The following LAMA2 variants were observed in gnomAD, a reference collection of about 807,000 sequenced individuals.
The protein encoded by LAMA2 is laminin subunit alpha 2, also known as laminin subunit alpha-2.
LAMA2 carries 269 observed loss-of-function variants against 364.8 expected under a neutral mutation model. That is an observed-to-expected ratio of 0.74 (90% confidence interval 0.67 to 0.82). The LOEUF is 0.82. LAMA2 is among the 40% of genes least tolerant of loss of function. The pLI is 0.00. For synonymous variants in LAMA2, 1,379 were observed against 1,370.6 expected, an observed-to-expected ratio of 1.01 and a Z score of -0.14; for missense variants, 3,807 against 3,873.2, an observed-to-expected ratio of 0.98 and a Z score of 0.45.
chr6:129,340,687 A>C (rs1776209212), intron 29 of LAMA2, among the ~76,000 whole-genome samples: 1 of 151,930 alleles, frequency 6.6e-6, no homozygotes, highest in Admixed American at 6.6e-5. Context: ...AATACAAAAA[A>C]TTAGCCTGGC....
intron 32 of LAMA2, 115 bp downstream of exon 32, chr6:129,353,472 T>G: frequency 1.3e-6 from 1 of 794,458 alleles, no homozygotes; most frequent in Non-Finnish European, 2.1e-6. Context: ...TTGCAATAGT[T>G]ATACTCTTCA....
intron 9 of LAMA2, among the ~76,000 whole-genome samples, chr6:129,172,619 T>C (rs981139342): frequency 2.0e-5 from 3 of 152,188 alleles, no homozygotes; most frequent in African/African-American, 7.2e-5. Context: ...GTTACTGCTG[T>C]CTTTTTGTTT....
chr6:129,096,459 G>A (rs955943809), intron 3 of LAMA2, among the ~76,000 whole-genome samples: 1 of 152,124 alleles, frequency 6.6e-6, no homozygotes, highest in Non-Finnish European at 1.5e-5. Context: ...CTCCCAAAAT[G>A]TCTTGGCATA....
At chr6:129,199,452 A>G (rs1299353308) in intron 12 of LAMA2, among the ~76,000 whole-genome samples, 4 of 152,194 alleles carry the variant, frequency 2.6e-5, no homozygotes, top group South Asian at 2.1e-4. Flanking sequence ...AATTCTCACT[A>G]TAACGACTCC....
At chr6:129,387,210 G>A (rs1040609964) in intron 35 of LAMA2, among the ~76,000 whole-genome samples, 2 of 151,950 alleles carry the variant, frequency 1.3e-5, no homozygotes, top group African/African-American at 4.8e-5. Flanking sequence ...GAATGTTCAG[G>A]TTTGTTGCAT....
At chr6:129,511,739 A>G (rs567069310) in intron 62 of LAMA2, among the ~76,000 whole-genome samples, 1 of 148,832 alleles carries the variant, frequency 6.7e-6, no homozygotes. Flanking sequence ...AAAAAAATCA[A>G]AGAGTCAAAT....
At chr6:128,962,139 C>CATATATATATATAT (rs55906092) in intron 1 of LAMA2, among the ~76,000 whole-genome samples, 29 of 38,096 alleles carry the variant, frequency 7.6e-4, no homozygotes, top group South Asian at 1.9e-3. Flanking sequence ...TCCTCTGGAC[C>CATATATATATATAT]ATATATATAT....
intron 41 of LAMA2, among the ~76,000 whole-genome samples, chr6:129,428,484 T>C (rs1011203917): frequency 2.6e-5 from 4 of 152,186 alleles, no homozygotes; most frequent in Non-Finnish European, 5.9e-5. Context: ...AGATGAAGTC[T>C]CGCTCTGTCA....
intron 17 of LAMA2, among the ~76,000 whole-genome samples, chr6:129,273,876 A>C (rs931878637): frequency 4.6e-5 from 7 of 151,946 alleles, no homozygotes; most frequent in African/African-American, 1.7e-4. Context: ...TTTCACTTAG[A>C]GTAAGCAATT....
chr6:129,010,307 CTA>C (rs909380436), intron 1 of LAMA2, among the ~76,000 whole-genome samples: 26 of 152,164 alleles, frequency 1.7e-4, no homozygotes, highest in African/African-American at 6.0e-4. Flanking sequence ...GAAAGATTCT[CTA>C]CCAAACATGC....
chr6:128,942,854 G>A (rs1041476019), intron 1 of LAMA2, among the ~76,000 whole-genome samples: 13 of 152,120 alleles, frequency 8.5e-5, no homozygotes, highest in Admixed American at 7.9e-4. Flanking sequence ...GGGGTGGCAG[G>A]GGTAACCGAA....
At chr6:129,324,025 T>C (rs1028263981) in intron 28 of LAMA2, among the ~76,000 whole-genome samples, 1 of 152,210 alleles carries the variant, frequency 6.6e-6, no homozygotes, top group Non-Finnish European at 1.5e-5. Context: ...AAAATAGTCT[T>C]AGCTACTTAC....
At chr6:129,470,991 A>C (rs1783784367) in intron 51 of LAMA2, among the ~76,000 whole-genome samples, 2 of 151,866 alleles carry the variant, frequency 1.3e-5, no homozygotes, top group South Asian at 4.1e-4. Flanking sequence ...TTAGATTTTC[A>C]GTGGATCAAG....
Position 129,285,412 on chromosome 6 carries a change from T to TTTAA in LAMA2, c.2538-2431_2538-2428dup, listed in dbSNP as rs568749772. Among the ~76,000 whole-genome samples the TTTAA allele has an allele frequency of 4.6e-3, 707 of 152,286 alleles. 10 individuals carry two copies. Among genetic ancestry groups the TTTAA allele is most frequent in the African/African-American group, 0.016 (647 of 41,566 alleles). ...GACAGATGCTTCTTTAGTTATTCTA[T>TTTAA]TTAATTATAGTTATTTTCCTCCTGA... On this transcript the variant is annotated intron_variant, in intron 18 of 64. Coordinates refer to ENST00000421865, the MANE Select transcript of LAMA2 (RefSeq NM_000426.4).
At chr6:129,439,852 A>ATATATC (rs1340379786) in intron 42 of LAMA2, among the ~76,000 whole-genome samples, 1 of 145,526 alleles carries the variant, frequency 6.9e-6, no homozygotes, top group Non-Finnish European at 1.5e-5. Context: ...ATATATATCT[A>ATATATC]TCTCAATTGG....
chr6:129,334,299 T>C (rs6420742), intron 29 of LAMA2, among the ~76,000 whole-genome samples: 76,716 of 152,108 alleles, frequency 0.5, 19,970 homozygotes, highest in East Asian at 0.73. Flanking sequence ...TTACTGGTAG[T>C]GTGAGCCTAC....
At chr6:128,913,628 A>G (rs1778123519) in intron 1 of LAMA2, among the ~76,000 whole-genome samples, 1 of 152,208 alleles carries the variant, frequency 6.6e-6, no homozygotes, top group Non-Finnish European at 1.5e-5. Context: ...TCTGGAATCA[A>G]TTTGTGGGCA....
Position 129,309,901 on chromosome 6 carries a change from C to CTTTTTTTTTTTTT in LAMA2, c.3175-2960_3175-2959insTTTTTTTTTTTTT, listed in dbSNP as rs1562443403. ...AAGAAATAAAGCTAATCCTGATAAT[C>CTTTTTTTTTTTTT]ATTTTTTTTTTTTTTTGAGACGGAG... is the stretch of plus-strand genomic sequence containing the variant. On this transcript the variant is annotated intron_variant, in intron 22 of 64. Coordinates refer to ENST00000421865, the MANE Select transcript of LAMA2 (RefSeq NM_000426.4). Among the ~76,000 whole-genome samples the CTTTTTTTTTTTTT allele has an allele frequency of 3.0e-5, 4 of 133,760 alleles. No individual in the cohort carries two copies. The East Asian group carries it at 1.1e-3, about 37-fold the overall frequency. The allele number at this position is 133,760 out of a possible 152,430, so 87.8% of individuals were successfully genotyped here. A position where few individuals can be genotyped will look rare whatever the true frequency, so the allele number is the denominator to read the frequency against.
At chr6:128,920,181 G>A (rs768602261) in intron 1 of LAMA2, among the ~76,000 whole-genome samples, 1 of 144,702 alleles carries the variant, frequency 6.9e-6, no homozygotes, top group Non-Finnish European at 1.5e-5. Flanking sequence ...TTTTTTTGAC[G>A]GAGTCCTGCT....
Sources: allele counts gnomAD v4.1 joint callset (sites outside exome capture counted in the v4.1 genomes callset), GRCh38; gene constraint gnomAD v4.1.1; transcripts MANE v1.5; gene names NCBI Gene and HGNC (gene_info 2026-07-23, HGNC 2026-07-21).